RAB3GAP1: variants seen among roughly 807,000 people sequenced by gnomAD.
RAB3GAP1 encodes the protein rab3 GTPase-activating protein catalytic subunit.
In RAB3GAP1, 86 loss-of-function variants were observed where a neutral mutation model predicts 130.7. That is an observed-to-expected ratio of 0.66 (90% CI 0.55 to 0.79). RAB3GAP1 has a LOEUF of 0.79. Among genes scored for constraint, RAB3GAP1 ranks in the 30% least tolerant of loss-of-function variants. The pLI is 0.00. For missense variants in RAB3GAP1, 1,029 were observed against 1,169.4 expected (o/e 0.88, Z 1.75); for synonymous variants, 367 against 401.7 (o/e 0.91, Z 1.03).
chr2:135,073,929 C>G (rs964197475), intron 3 of RAB3GAP1, among the ~76,000 whole-genome samples: 4 of 152,138 alleles, frequency 2.6e-5, no homozygotes, highest in Non-Finnish European at 5.9e-5. Flanking sequence ...CCCAGGGCAT[C>G]CCACCAAGGG....
At chr2:135,109,220 T>C (rs974949415) in intron 5 of RAB3GAP1, among the ~76,000 whole-genome samples, 7 of 152,088 alleles carry the variant, frequency 4.6e-5, no homozygotes, top group Non-Finnish European at 1.0e-4. Flanking sequence ...GATAACTTGC[T>C]GAGATTTTGA....
chr2:135,126,178 T>C lies in RAB3GAP1; in HGVS notation c.831-3T>C, dbSNP rs1691341398. Reference sequence around the variant, plus strand: ...GCTTTTGGGTATATTTTATGTTTTTTAGTGAACTCCATTTAGCTACTACAT... The same window carrying C: ...GCTTTTGGGTATATTTTATGTTTTTCAGTGAACTCCATTTAGCTACTACAT... On this transcript the variant is annotated splice_region_variant and splice_polypyrimidine_tract_variant and intron_variant, in intron 9 of 23. Coordinates refer to ENST00000264158, the MANE Select transcript of RAB3GAP1 (RefSeq NM_012233.3). 6.2e-7 allele frequency: 1 copy of C among 1,608,950 alleles called. No individual in the cohort carries two copies.
intron 17 of RAB3GAP1, among the ~76,000 whole-genome samples, chr2:135,145,766 A>G (rs1487634651): frequency 6.6e-6 from 1 of 152,200 alleles, no homozygotes; most frequent in African/African-American, 2.4e-5. Flanking sequence ...ATAAGTGGCT[A>G]TTATTGCCCG....
At chr2:135,080,902 T>C (rs1213522675) in intron 3 of RAB3GAP1, among the ~76,000 whole-genome samples, 4 of 152,176 alleles carry the variant, frequency 2.6e-5, no homozygotes, top group Admixed American at 2.0e-4. Flanking sequence ...ATGATCTTGA[T>C]CCAGGCTGAA....
At chr2:135,057,844 A>G (rs1689057253) in intron 2 of RAB3GAP1, among the ~76,000 whole-genome samples, 167 bp from the exon 3 acceptor site, 1 of 152,214 alleles carries the variant, frequency 6.6e-6, no homozygotes, top group Non-Finnish European at 1.5e-5. Context: ...ATGAAAGAAG[A>G]TTATTTCTCT....
At chr2:135,113,119 C>T in intron 5 of RAB3GAP1, 32 bp from the exon 6 acceptor site, 1 of 1,613,602 alleles carries the variant, frequency 6.2e-7, no homozygotes, top group Non-Finnish European at 8.5e-7. Flanking sequence ...CTGAGGTTTC[C>T]CCTGTTTAAT....
intron 9 of RAB3GAP1, among the ~76,000 whole-genome samples, chr2:135,125,459 AAAAT>A (rs1348433561): frequency 5.9e-5 from 9 of 152,374 alleles, no homozygotes; most frequent in South Asian, 2.1e-4. Flanking sequence ...GATGTAATAC[AAAAT>A]AAATAAATAA....
At chr2:135,139,623 A>G (rs1293439368) in intron 17 of RAB3GAP1, among the ~76,000 whole-genome samples, 1 of 152,106 alleles carries the variant, frequency 6.6e-6, no homozygotes, top group Non-Finnish European at 1.5e-5. Flanking sequence ...ATACATGCAT[A>G]TAACTACTTC....
At chr2:135,072,343 T>C (rs1412518741) in intron 3 of RAB3GAP1, among the ~76,000 whole-genome samples, 1 of 152,180 alleles carries the variant, frequency 6.6e-6, no homozygotes, top group Non-Finnish European at 1.5e-5. Context: ...TTATATCCCG[T>C]TTGCAGTATC....
chr2:135,157,835 A>G (rs1455957143), intron 19 of RAB3GAP1, among the ~76,000 whole-genome samples: 1 of 151,316 alleles, frequency 6.6e-6, no homozygotes, highest in Admixed American at 6.6e-5. Flanking sequence ...CCATCTCAAA[A>G]AAAAAAAAAA....
intron 18 of RAB3GAP1, among the ~76,000 whole-genome samples, chr2:135,153,337 G>A (rs1182060450): frequency 6.6e-6 from 1 of 152,034 alleles, no homozygotes; most frequent in Non-Finnish European, 1.5e-5. Context: ...TTCATTGAAT[G>A]AAAGTGTTTT....
Position 135,113,202 on chromosome 2 carries a change from T to A in RAB3GAP1, c.414T>A (p.Ala138=), listed in dbSNP as rs1208642090. The change falls in exon 6 of 24, where the codon GCT becomes GCA. Residue 138 remains alanine, a synonymous_variant. Coordinates refer to ENST00000264158, the MANE Select transcript of RAB3GAP1 (RefSeq NM_012233.3). ...TTGCCCCTGCTGCACACAGTGACGC[T>A]GTTCTCAGCGAATCTAAGTGCAACC... The part of the protein sequence containing the change: ...VVIAPAAHSD[A]VLSESKCNLL... 1 of 1,614,064 alleles carries A rather than the reference T, an allele frequency of 6.2e-7. No individual in the cohort carries two copies. Among genetic ancestry groups the A allele is most frequent in the African/African-American group, 1.3e-5 (1 of 74,936 alleles).
chr2:135,156,763 C>G (rs570910667), intron 19 of RAB3GAP1, among the ~76,000 whole-genome samples: 1 of 152,284 alleles, frequency 6.6e-6, no homozygotes, highest in South Asian at 2.1e-4. Context: ...CAAAATTGTT[C>G]TGCAGGTATT....
intron 7 of RAB3GAP1, among the ~76,000 whole-genome samples, chr2:135,117,594 GCTGCTTCTTCTGCTTCTTCTGCTT>G (rs1691039297): frequency 5.2e-5 from 1 of 19,136 alleles, no homozygotes; most frequent in Non-Finnish European, 1.2e-4. Context: ...TTCTTCTTCT[GCTGCTTCTTCTGCTTCTTCTGCTT>G]CTGCTTCTTC....
At chr2:135,175,361 A>G (rs1692979162), downstream of RAB3GAP1, 1 of 152,228 alleles carries the variant, frequency 6.6e-6, no homozygotes, top group Non-Finnish European at 1.5e-5. Context: ...AACTGCTCCC[A>G]GGAGCTGGCA....
At chr2:135,173,848 G>GTGGA (rs1324514489), downstream of RAB3GAP1, among the ~76,000 whole-genome samples, 8 of 152,234 alleles carry the variant, frequency 5.3e-5, no homozygotes, top group Admixed American at 5.2e-4. Flanking sequence ...GGGTGGGTGG[G>GTGGA]TGGATGGATG....
At position 135,093,661 on chromosome 2, in the gene RAB3GAP1, CTT is replaced by C; in HGVS notation, c.332_333del (p.Phe111SerfsTer15). The C allele has an allele frequency of 6.2e-7, 1 of 1,613,436 alleles. No homozygotes were observed. The highest frequency in any genetic ancestry group is 1.3e-5 in the African/African-American group (1 of 75,036). On this transcript the variant is annotated frameshift_variant, in exon 5 of 24. Coordinates refer to ENST00000264158, the MANE Select transcript of RAB3GAP1 (RefSeq NM_012233.3). LOFTEE classifies it high-confidence loss of function. Reference protein sequence around the residue: ...MQDLLGMNNDFPPRAHCLVRW... With the variant: ...MQDLLGMNNDXPPRAHCLVRW... ...AAGATTTGCTGGGTATGAATAATGACTTTCCTCCAAGAGCACATTGCCTGGTA... is the reference window on the plus strand; with the variant it reads ...AAGATTTGCTGGGTATGAATAATGACTCCTCCAAGAGCACATTGCCTGGTA...
intron 5 of RAB3GAP1, among the ~76,000 whole-genome samples, chr2:135,099,610 CAG>C (rs1690397024): frequency 6.6e-6 from 1 of 151,828 alleles, no homozygotes; most frequent in South Asian, 2.1e-4. Context: ...TAATGTGAGT[CAG>C]AAAGTATTTT....
chr2:135,102,190 CAG>C (rs964140256), intron 5 of RAB3GAP1, among the ~76,000 whole-genome samples: 3 of 152,148 alleles, frequency 2.0e-5, no homozygotes, highest in African/African-American at 7.2e-5. Context: ...AAGAGGGAGA[CAG>C]AGGAGAGTTA....
Sources: gnomAD v4.1 joint callset for allele counts (sites outside exome capture counted in the v4.1 genomes callset) on GRCh38, gnomAD v4.1.1 for gene constraint, MANE v1.5 for transcripts, NCBI Gene and HGNC (gene_info 2026-07-23, HGNC 2026-07-21) for gene names.